The following ABCA4 variants were observed in gnomAD, a reference collection of about 807,000 sequenced individuals.
The protein encoded by ABCA4 is retinal-specific phospholipid-transporting ATPase ABCA4.
ABCA4 carries 196 observed loss-of-function variants against 263.7 expected under a neutral mutation model. The ratio of observed to expected loss-of-function variants is 0.74; its 90% CI spans 0.66 to 0.84. The LOEUF (loss-of-function observed/expected upper bound fraction) is 0.84, where lower values mean the gene tolerates loss of function less well. ABCA4 is among the 40% of genes least tolerant of loss of function. ABCA4 has a pLI of 0.00. For missense variants in ABCA4, 2,792 were observed against 2,855.1 expected (o/e 0.98, Z 0.50); for synonymous variants, 1,133 against 1,094.2 (o/e 1.04, Z -0.70).
chr1:94,118,148 G>A (rs1187704029), intron 1 of ABCA4, among the ~76,000 whole-genome samples: 1 of 152,156 alleles, frequency 6.6e-6, no homozygotes, highest in African/African-American at 2.4e-5. Context: ...TGGAGCCTCA[G>A]TGACCTCATC....
intron 11 of ABCA4, among the ~76,000 whole-genome samples, chr1:94,068,277 T>C (rs1426653701): frequency 6.6e-6 from 1 of 152,192 alleles, no homozygotes; most frequent in Non-Finnish European, 1.5e-5. Flanking sequence ...GAAGGCCTTA[T>C]AAAGCTAATC....
chr1:94,038,340 G>A lies in ABCA4; in HGVS notation c.3608-990C>T, dbSNP rs189118419. 3.2e-3 allele frequency among the ~76,000 whole-genome samples: 490 copies of A among 152,326 alleles called. 3 individuals carry two copies. The highest frequency in any genetic ancestry group is 5.6e-3 in the South Asian group (27 of 4,826). On this transcript the variant is annotated intron_variant, in intron 24 of 49. Coordinates refer to ENST00000370225, the MANE Select transcript of ABCA4 (RefSeq NM_000350.3). ...TCACTTGCATGCACTTGAAGAGAGA[G>A]TTCTCTCGCACATTGTCTTGAGAGG...
intron 27 of ABCA4, 58 bp from the exon 28 acceptor site, chr1:94,031,178 G>A (rs576418802): frequency 8.7e-5 from 139 of 1,603,558 alleles, no homozygotes; most frequent in South Asian, 1.2e-4. Context: ...TCACACGTGC[G>A]CGTGCACACA....
At chr1:94,031,226 T>C (rs948321918) in intron 27 of ABCA4, 106 bp from the exon 28 acceptor site, 1 of 1,467,014 alleles carries the variant, frequency 6.8e-7, no homozygotes, top group South Asian at 1.2e-5. Context: ...TGCAGCCTCC[T>C]AATCAGCCCC....
chr1:93,997,905 G>C lies in ABCA4; in HGVS notation c.6685C>G (p.Leu2229Val). The change falls in exon 48 of 50, where the codon CTG becomes GTG. Residue 2229 changes from leucine (L) to valine (V), a missense_variant. Transcript: ENST00000370225. Reference protein sequence around the residue: ...FQLLLSHKDSLLIEEYSVTQT... With the variant: ...FQLLLSHKDSVLIEEYSVTQT... ...GTGACTGAGTACTCCTCGATGAGCA[G>C]GCTGTCCTTGTGGGAGAGGAGGAGC... 1 of 1,614,118 alleles carries C rather than the reference G, an allele frequency of 6.2e-7. No individual in the cohort carries two copies. The highest frequency in any genetic ancestry group is 8.5e-7 in the Non-Finnish European group (1 of 1,180,022).
In ABCA4 at chr1:93,993,828, G is replaced by A. The variant is rs145449231; in HGVS notation, c.6817-586C>T. 6.3e-3 allele frequency among the ~76,000 whole-genome samples: 952 copies of A among 152,192 alleles called. 12 individuals carry two copies. The highest frequency in any genetic ancestry group is 0.022 in the African/African-American group (900 of 41,512). On this transcript the variant is annotated intron_variant, in intron 49 of 49. Coordinates refer to ENST00000370225, the MANE Select transcript of ABCA4 (RefSeq NM_000350.3). ...TGACCTTTTTAACTGGAGAGATACT[G>A]TCTCCAGTTATAAAGTGTGGGTTGA... is the stretch of plus-strand genomic sequence containing the variant.
At chr1:94,087,478 A>C (rs1661862373) in intron 6 of ABCA4, among the ~76,000 whole-genome samples, 1 of 152,208 alleles carries the variant, frequency 6.6e-6, no homozygotes, top group Admixed American at 6.5e-5. Context: ...AGGAGAAGTC[A>C]TAGGATGGGG....
chr1:94,069,849 A>G (rs1418515744), intron 11 of ABCA4, among the ~76,000 whole-genome samples: 1 of 152,242 alleles, frequency 6.6e-6, no homozygotes, highest in Non-Finnish European at 1.5e-5. Flanking sequence ...AAGGAAACAC[A>G]TGACGACTGG....
chr1:94,032,625 A>G (rs1407408008), intron 26 of ABCA4, among the ~76,000 whole-genome samples: 4 of 152,122 alleles, frequency 2.6e-5, no homozygotes, highest in Non-Finnish European at 5.9e-5. Context: ...ACAGAGCAAG[A>G]CTCCTTCTCA....
At chr1:94,035,925 G>A (rs1660327262) in intron 26 of ABCA4, among the ~76,000 whole-genome samples, 1 of 152,214 alleles carries the variant, frequency 6.6e-6, no homozygotes, top group African/African-American at 2.4e-5. Flanking sequence ...ACATGTAGAA[G>A]AGAGACTTCT....
At chr1:94,021,170 T>A in intron 35 of ABCA4, 70 bp downstream of exon 35, 1 of 1,605,060 alleles carries the variant, frequency 6.2e-7, no homozygotes. Context: ...GTGGTGAGAA[T>A]CCTCTCAGGA....
intron 6 of ABCA4, among the ~76,000 whole-genome samples, chr1:94,095,660 C>T (rs532041346): frequency 2.6e-5 from 4 of 152,062 alleles, no homozygotes; most frequent in African/African-American, 7.2e-5. Flanking sequence ...CTGGGCCTGC[C>T]TCAGGCTTGT....
intron 38 of ABCA4, 109 bp from the exon 39 acceptor site, chr1:94,011,494 G>A (rs1447417584): frequency 6.4e-7 from 1 of 1,555,946 alleles, no homozygotes; most frequent in African/African-American, 1.4e-5. Context: ...AAGGCCTGCA[G>A]ACAGAGAGTC....
chr1:94,116,923 T>C (rs1032244681), intron 1 of ABCA4, among the ~76,000 whole-genome samples: 1 of 151,868 alleles, frequency 6.6e-6, no homozygotes, highest in Non-Finnish European at 1.5e-5. Context: ...TTTCTTTTTC[T>C]TTTCTTTTCT....
chr1:94,008,645 C>G (rs1045831565), intron 41 of ABCA4, 106 bp downstream of exon 41: 4 of 1,521,926 alleles, frequency 2.6e-6, no homozygotes, highest in African/African-American at 2.7e-5. Context: ...AACTGGGAAC[C>G]AAATTGCTTG....
chr1:94,086,870 C>T (rs1661845622), intron 6 of ABCA4, among the ~76,000 whole-genome samples: 1 of 152,162 alleles, frequency 6.6e-6, no homozygotes, highest in African/African-American at 2.4e-5. Flanking sequence ...ACGAGATCAG[C>T]ACTGTCTTAG....
At chr1:94,087,050 T>C (rs772946658) in intron 6 of ABCA4, among the ~76,000 whole-genome samples, 4 of 152,218 alleles carry the variant, frequency 2.6e-5, no homozygotes, top group Non-Finnish European at 5.9e-5. Flanking sequence ...TGTCTTCATA[T>C]GGTGGAAGCG....
intron 11 of ABCA4, among the ~76,000 whole-genome samples, chr1:94,072,984 G>C (rs1369397953): frequency 1.3e-5 from 2 of 152,130 alleles, no homozygotes; most frequent in Non-Finnish European, 2.9e-5. Context: ...CCTCCTGGGA[G>C]GGGCCTGTAC....
rs564533599 is a variant in ABCA4 at position 94,022,018 on chromosome 1, G to A, written c.4668-67C>T. The A allele has an allele frequency of 2.2e-5, 29 of 1,320,474 alleles. No individual in the cohort carries two copies. The African/African-American group carries it at 3.2e-4, about 14-fold the overall frequency. 81.8% of individuals were successfully genotyped at this position (1,320,474 alleles called of 1,614,324 possible). On this transcript the variant is annotated intron_variant, in intron 32 of 49. Coordinates refer to ENST00000370225, the MANE Select transcript of ABCA4 (RefSeq NM_000350.3). ...TTCACGCCTACTAGTAGCTCTCTCG[G>A]GTTTTGTAGGGAAACATGAACTTTC... is the stretch of plus-strand genomic sequence containing the variant.
Sources: gnomAD v4.1 joint callset for allele counts (sites outside exome capture counted in the v4.1 genomes callset) on GRCh38, gnomAD v4.1.1 for gene constraint, MANE v1.5 for transcripts, NCBI Gene and HGNC (gene_info 2026-07-23, HGNC 2026-07-21) for gene names.